RCOR1: variants seen among roughly 807,000 people sequenced by gnomAD.
RCOR1 encodes the protein REST corepressor.
A neutral mutation model predicts 64.0 loss-of-function variants in RCOR1; 12 were observed. That is an observed-to-expected ratio of 0.19 (90% CI 0.12 to 0.30). The LOEUF is 0.30. Ranked by LOEUF, RCOR1 falls within the 10% of genes least tolerant of loss-of-function variation. The pLI, the probability that RCOR1 is intolerant of heterozygous loss-of-function variation, is 1.00. For missense variants in RCOR1, 502 were observed against 621.2 expected (o/e 0.81, Z 2.04); for synonymous variants, 279 against 227.2 (o/e 1.23, Z -2.05).
chr14:102,601,979 C>A (rs1339603279), intron 2 of RCOR1, among the ~76,000 whole-genome samples: 1 of 151,712 alleles, frequency 6.6e-6, no homozygotes, highest in African/African-American at 2.4e-5. Context: ...GCCAACATGG[C>A]GAAACCCCGT....
At position 102,627,394 on chromosome 14, in the gene RCOR1, C is replaced by T. The variant is rs146010353; in HGVS notation, c.361+34069C>T. Among the ~76,000 whole-genome samples the T allele has an allele frequency of 5.0e-3, 767 of 152,282 alleles. 5 individuals carry two copies. The highest frequency in any genetic ancestry group is 0.017 in the African/African-American group (709 of 41,560). Reference sequence around the variant, plus strand: ...CTTTTTTGCCGGGTGTGGTGGCTCACGCCCGTAATCCCAACACTTTGGGAG... The same window carrying T: ...CTTTTTTGCCGGGTGTGGTGGCTCATGCCCGTAATCCCAACACTTTGGGAG... On this transcript the variant is annotated intron_variant, in intron 2 of 11. Transcript: ENST00000262241.
intron 2 of RCOR1, among the ~76,000 whole-genome samples, chr14:102,667,648 A>G (rs1322131428): frequency 6.6e-6 from 1 of 152,190 alleles, no homozygotes; most frequent in African/African-American, 2.4e-5. Context: ...ATGAAGTTGG[A>G]AACTGAAGGT....
chr14:102,661,400 G>A (rs991473533), intron 2 of RCOR1, among the ~76,000 whole-genome samples: 15 of 152,126 alleles, frequency 9.9e-5, no homozygotes, highest in Admixed American at 2.0e-4. Context: ...TAAAAAACCT[G>A]ACTGATAGTG....
chr14:102,656,999 T>G (rs1894740964), intron 2 of RCOR1: 1 of 675,880 alleles, frequency 1.5e-6, no homozygotes, highest in South Asian at 6.7e-5. Context: ...GGTCGCGAAC[T>G]CCTGACCTCA....
intron 11 of RCOR1, among the ~76,000 whole-genome samples, chr14:102,726,160 C>A (rs1209918576): frequency 6.6e-6 from 1 of 151,958 alleles, no homozygotes; most frequent in African/African-American, 2.4e-5. Context: ...AACCCCGTCT[C>A]TACTGAAGGT....
chr14:102,697,224 G>T (rs1286167797), intron 3 of RCOR1, among the ~76,000 whole-genome samples: 4 of 152,174 alleles, frequency 2.6e-5, no homozygotes, highest in Non-Finnish European at 5.9e-5. Context: ...TCCCAGTTAG[G>T]TGATAACCTG....
chr14:102,597,374 G>T (rs1893277904), intron 2 of RCOR1, among the ~76,000 whole-genome samples: 1 of 151,720 alleles, frequency 6.6e-6, no homozygotes, highest in Non-Finnish European at 1.5e-5. Flanking sequence ...TTTCACCCAG[G>T]CTGGAGTGCA....
At chr14:102,636,680 A>AT (rs1186376891) in intron 2 of RCOR1, among the ~76,000 whole-genome samples, 2 of 150,920 alleles carry the variant, frequency 1.3e-5, no homozygotes, top group Non-Finnish European at 2.9e-5. Context: ...GTTTATAAGA[A>AT]TTTTTTTTGC....
intron 3 of RCOR1, among the ~76,000 whole-genome samples, chr14:102,692,749 C>T (rs868833370): frequency 2.9e-5 from 4 of 136,618 alleles, no homozygotes; most frequent in Middle Eastern, 3.6e-3. Context: ...TCCTTCCTTC[C>T]TTCCTTCTTT....
At chr14:102,724,531 C>T (rs997309464) in intron 11 of RCOR1, among the ~76,000 whole-genome samples, 3 of 152,128 alleles carry the variant, frequency 2.0e-5, no homozygotes, top group Non-Finnish European at 4.4e-5. Context: ...GGGGTTTCGG[C>T]ATGTTGACCA....
intron 11 of RCOR1, among the ~76,000 whole-genome samples, chr14:102,725,580 A>AT: frequency 6.6e-6 from 1 of 151,926 alleles, no homozygotes; most frequent in South Asian, 2.1e-4. Context: ...TTTTTTGTTC[A>AT]TTTGTGTTTT....
intron 4 of RCOR1, 143 bp from the exon 5 acceptor site, chr14:102,707,208 C>A: frequency 3.5e-6 from 2 of 577,612 alleles, no homozygotes; most frequent in Non-Finnish European, 5.8e-6. Flanking sequence ...AAAAAGGGGC[C>A]TCTGACAGTG....
chr14:102,729,770 A>G lies in RCOR1; in HGVS notation c.*3264A>G, dbSNP rs1218664380. ...GTACTATTGGTATAATTGCACACCA[A>G]AAATAAGCCAAACAGTGCATTACGC... On this transcript the variant is annotated 3_prime_UTR_variant, in exon 12 of 12. Coordinates refer to ENST00000262241, the MANE Select transcript of RCOR1 (RefSeq NM_015156.4). 1 of 398,770 alleles carries G rather than the reference A, an allele frequency of 2.5e-6. No homozygotes were observed. Among genetic ancestry groups the G allele is most frequent in the Non-Finnish European group, 4.4e-6 (1 of 226,058 alleles). 24.7% of individuals were successfully genotyped at this position (398,770 alleles called of 1,614,324 possible).
At chr14:102,670,882 T>A (rs1895021103) in intron 2 of RCOR1, among the ~76,000 whole-genome samples, 1 of 152,010 alleles carries the variant, frequency 6.6e-6, no homozygotes, top group Non-Finnish European at 1.5e-5. Context: ...CAAGCAATTC[T>A]AGTGCCTCAG....
At chr14:102,708,396 G>T in intron 5 of RCOR1, 69 bp from the exon 6 acceptor site, 2 of 935,726 alleles carry the variant, frequency 2.1e-6, no homozygotes, top group Non-Finnish European at 3.5e-6. Flanking sequence ...CGCTGCGCCC[G>T]GCCTTAAACA....
chr14:102,668,172 A>G (rs1340294387), intron 2 of RCOR1, among the ~76,000 whole-genome samples: 1 of 152,226 alleles, frequency 6.6e-6, no homozygotes, highest in Non-Finnish European at 1.5e-5. Context: ...TCTACATCAC[A>G]TCCTCTCTTC....
chr14:102,620,890 C>T (rs1567410786), intron 2 of RCOR1, among the ~76,000 whole-genome samples: 1 of 152,050 alleles, frequency 6.6e-6, no homozygotes, highest in Non-Finnish European at 1.5e-5. Flanking sequence ...CTCAATAAGG[C>T]CTCTCCTAAC....
chr14:102,598,823 C>G (rs967182269), intron 2 of RCOR1, among the ~76,000 whole-genome samples: 1 of 151,784 alleles, frequency 6.6e-6, no homozygotes, highest in East Asian at 1.9e-4. Context: ...AGTTAGAATA[C>G]CATTTGTGTT....
At position 102,635,826 on chromosome 14, in the gene RCOR1, C is replaced by T. The variant is rs536128643; in HGVS notation, c.361+42501C>T. 4.6e-5 allele frequency among the ~76,000 whole-genome samples: 7 copies of T among 152,208 alleles called. No homozygotes were observed. The East Asian group carries it at 1.4e-3, about 29-fold the overall frequency. On this transcript the variant is annotated intron_variant, in intron 2 of 11. Transcript: ENST00000262241. ...ATTGAGCCAGGCGTGGTGTCATGCA[C>T]CTGTAGTCCTAGCTGCTAAGGTGGG...
Sources: allele counts gnomAD v4.1 joint callset (sites outside exome capture counted in the v4.1 genomes callset), GRCh38; gene constraint gnomAD v4.1.1; transcripts MANE v1.5; gene names NCBI Gene and HGNC (gene_info 2026-07-23, HGNC 2026-07-21).